Variants in SMAP1 observed in about 807,000 individuals in gnomAD.
SMAP1 encodes the protein stromal membrane-associated protein 1.
SMAP1 carries 24 observed loss-of-function variants against 58.5 expected under a neutral mutation model. The observed-to-expected ratio is 0.41, with a 90% CI of 0.30 to 0.58. The LOEUF (loss-of-function observed/expected upper bound fraction) is 0.58, where lower values mean the gene tolerates loss of function less well. Among genes scored for constraint, SMAP1 ranks in the 20% least tolerant of loss-of-function variants. The pLI, the probability that SMAP1 is intolerant of heterozygous loss-of-function variation, is 0.29. For missense variants in SMAP1, 563 were observed against 566.3 expected, an observed-to-expected ratio of 0.99 and a Z score of 0.06; for synonymous variants, 216 against 196.6, an observed-to-expected ratio of 1.10 and a Z score of -0.82.
In SMAP1 at chr6:70,725,093, G is replaced by GTTTTTTTTTT. The variant is rs745587315; in HGVS notation, c.119-7253_119-7244dup. Among the ~76,000 whole-genome samples, 21 of 47,822 alleles carry GTTTTTTTTTT rather than the reference G, an allele frequency of 4.4e-4. 4 individuals are homozygous for GTTTTTTTTTT. Among genetic ancestry groups the GTTTTTTTTTT allele is most frequent in the Admixed American group, 7.3e-4 (2 of 2,754 alleles). The allele number at this position is 47,822 out of a possible 152,430, so 31.4% of individuals were successfully genotyped here. A position where few individuals can be genotyped will look rare whatever the true frequency, so the allele number is the denominator to read the frequency against. On this transcript the variant is annotated intron_variant, in intron 1 of 10. Coordinates refer to ENST00000370455, the MANE Select transcript of SMAP1 (RefSeq NM_001044305.3). The stretch of plus-strand genomic sequence containing the variant: ...GACTCCATATCCTAAATTAACCAGT[G>GTTTTTTTTTT]TTTTTTTTTTTTTTTTTTTTTTTTT...
intron 1 of SMAP1, among the ~76,000 whole-genome samples, chr6:70,693,074 C>T (rs925832773): frequency 1.3e-5 from 2 of 151,660 alleles, no homozygotes; most frequent in South Asian, 2.1e-4. Flanking sequence ...TGAGCCACTG[C>T]GCCCAGCCTA....
intron 2 of SMAP1, among the ~76,000 whole-genome samples, chr6:70,733,720 C>T (rs1450448487): frequency 6.6e-6 from 1 of 152,140 alleles, no homozygotes; most frequent in Non-Finnish European, 1.5e-5. Flanking sequence ...TGTAGCTTGA[C>T]AGTATAACTT....
intron 6 of SMAP1, among the ~76,000 whole-genome samples, chr6:70,807,398 A>C (rs1769181238): frequency 1.3e-5 from 2 of 152,224 alleles, no homozygotes; most frequent in African/African-American, 4.8e-5. Context: ...TCTCTCTTTT[A>C]TGCTTAAGAT....
At chr6:70,755,742 A>T (rs1766461239) in intron 3 of SMAP1, among the ~76,000 whole-genome samples, 1 of 151,994 alleles carries the variant, frequency 6.6e-6, no homozygotes, top group Non-Finnish European at 1.5e-5. Flanking sequence ...TATGCTGTTT[A>T]TTATTTTAGA....
At chr6:70,769,557 A>G (rs1294454109) in intron 3 of SMAP1, among the ~76,000 whole-genome samples, 1 of 152,116 alleles carries the variant, frequency 6.6e-6, no homozygotes, top group Non-Finnish European at 1.5e-5. Context: ...CTGTTTTATC[A>G]GAGACTAGGA....
chr6:70,741,887 A>G (rs1177031415), intron 2 of SMAP1, among the ~76,000 whole-genome samples: 2 of 152,202 alleles, frequency 1.3e-5, no homozygotes, highest in Non-Finnish European at 2.9e-5. Flanking sequence ...CACCACAGGG[A>G]AGCTGCCAAC....
In SMAP1 at chr6:70,860,860, A is replaced by T. The variant is rs559366730; in HGVS notation, c.*526A>T. The stretch of plus-strand genomic sequence containing the variant: ...GTGCTGTTGTTATGATGTGCTTAAC[A>T]GGGAACGTGATTAGTGAAAGGAAGA... On this transcript the variant is annotated 3_prime_UTR_variant, in exon 11 of 11. Transcript: ENST00000370455. 97 of 394,586 alleles carry T rather than the reference A, an allele frequency of 2.5e-4. No individual in the cohort carries two copies. Among genetic ancestry groups the T allele is most frequent in the Admixed American group, 1.2e-3 (27 of 22,652 alleles). 24.4% of individuals were successfully genotyped at this position (394,586 alleles called of 1,614,324 possible). A position where few individuals can be genotyped will look rare whatever the true frequency, so the allele number is the denominator to read the frequency against.
intron 2 of SMAP1, among the ~76,000 whole-genome samples, chr6:70,735,230 C>T (rs570306135): frequency 5.0e-4 from 76 of 152,268 alleles, no homozygotes; most frequent in African/African-American, 1.5e-3. Flanking sequence ...GTCACCAATA[C>T]CCCAGTGAAG....
At chr6:70,692,608 C>T (rs4707844) in intron 1 of SMAP1, among the ~76,000 whole-genome samples, 21,485 of 152,120 alleles carry the variant, frequency 0.14, 2,857 homozygotes, top group East Asian at 0.55. Flanking sequence ...GTGAGAGATA[C>T]GAGTCAAGTT....
rs1438632344 is a variant in SMAP1 at position 70,856,806 on chromosome 6, A to G, written c.790-53A>G. 4.7e-6 allele frequency: 7 copies of G among 1,492,738 alleles called. No homozygotes were observed. In the South Asian group the frequency reaches 9.9e-5, roughly 21 times the overall value. 92.5% of individuals were successfully genotyped at this position (1,492,738 alleles called of 1,614,324 possible). A position where few individuals can be genotyped will look rare whatever the true frequency, so the allele number is the denominator to read the frequency against. ...TTTATTTGGATTTTAAGTAATGGAT[A>G]AGCTGCGCTTTACTATGCAGAATTT... On this transcript the variant is annotated intron_variant, in intron 8 of 10. Transcript: ENST00000370455.
At chr6:70,764,428 A>C (rs919435245) in intron 3 of SMAP1, among the ~76,000 whole-genome samples, 2 of 152,210 alleles carry the variant, frequency 1.3e-5, no homozygotes, top group Non-Finnish European at 2.9e-5. Context: ...TCAGCGCTTC[A>C]AGACAGGCTG....
intron 4 of SMAP1, among the ~76,000 whole-genome samples, chr6:70,786,314 C>A (rs570650581): frequency 2.1e-5 from 3 of 145,200 alleles, no homozygotes; most frequent in Non-Finnish European, 3.0e-5. Context: ...AAAATAATAA[C>A]AGCTATCTAT....
chr6:70,849,712 T>C (rs1381451559), intron 7 of SMAP1, among the ~76,000 whole-genome samples: 3 of 152,230 alleles, frequency 2.0e-5, no homozygotes, highest in Non-Finnish European at 2.9e-5. Context: ...CCTATATACA[T>C]TGTTTTTAAA....
intron 1 of SMAP1, among the ~76,000 whole-genome samples, chr6:70,724,385 G>A (rs1768672391): frequency 6.6e-6 from 1 of 152,094 alleles, no homozygotes; most frequent in Admixed American, 6.5e-5. Flanking sequence ...TAGTAGAGAA[G>A]GGGTTTCATC....
chr6:70,816,399 G>A (rs1333145812), intron 6 of SMAP1, among the ~76,000 whole-genome samples: 1 of 152,126 alleles, frequency 6.6e-6, no homozygotes, highest in Non-Finnish European at 1.5e-5. Context: ...ATGGATTGAA[G>A]GCAGGTGAGG....
intron 7 of SMAP1, among the ~76,000 whole-genome samples, chr6:70,845,411 C>T (rs565834429): frequency 6.6e-6 from 1 of 152,306 alleles, no homozygotes; most frequent in African/African-American, 2.4e-5. Context: ...TCTAAGAGAA[C>T]TGGTTGTGAG....
chr6:70,754,920 A>T, intron 2 of SMAP1, 60 bp from the exon 3 acceptor site: 2 of 961,594 alleles, frequency 2.1e-6, no homozygotes. Context: ...ATGTGTATGT[A>T]TGTGCAGGAA....
intron 8 of SMAP1, 50 bp downstream of exon 8, chr6:70,852,714 G>T (rs1771236294): frequency 6.9e-7 from 1 of 1,451,834 alleles, no homozygotes; most frequent in Non-Finnish European, 9.1e-7. Flanking sequence ...TTTCCTTTTT[G>T]AAAAGTTTCA....
At chr6:70,783,424 C>T (rs1280459673) in intron 4 of SMAP1, among the ~76,000 whole-genome samples, 1 of 152,202 alleles carries the variant, frequency 6.6e-6, no homozygotes, top group African/African-American at 2.4e-5. Flanking sequence ...CGCAGTTCCT[C>T]ACCAGCAACG....
Sources: allele counts gnomAD v4.1 joint callset (sites outside exome capture counted in the v4.1 genomes callset), GRCh38; gene constraint gnomAD v4.1.1; transcripts MANE v1.5; gene names NCBI Gene and HGNC (gene_info 2026-07-23, HGNC 2026-07-21).